KIF21A: variants seen among roughly 807,000 people sequenced by gnomAD.
The protein encoded by KIF21A is kinesin-like protein KIF21A.
In KIF21A, 114 loss-of-function variants were observed where a neutral mutation model predicts 202.9. That is an observed-to-expected ratio of 0.56 (90% confidence interval 0.48 to 0.66). The LOEUF (loss-of-function observed/expected upper bound fraction) is 0.66, where lower values mean the gene tolerates loss of function less well. Among genes scored for constraint, KIF21A ranks in the 30% least tolerant of loss-of-function variants. KIF21A has a pLI of 0.00. For synonymous variants in KIF21A, 667 were observed against 670.8 expected (o/e 0.99, Z 0.09); for missense variants, 1,677 against 1,994.9 (o/e 0.84, Z 3.04).
intron 26 of KIF21A, among the ~76,000 whole-genome samples, chr12:39,324,159 C>T (rs1287660519): frequency 6.6e-6 from 1 of 151,914 alleles, no homozygotes; most frequent in African/African-American, 2.4e-5. Context: ...CTTAGCAGTT[C>T]AAACGGAGTA....
At position 39,357,303 on chromosome 12, in the gene KIF21A, C is replaced by T. The variant is rs375768830; in HGVS notation, c.1350G>A (p.Arg450=). The T allele has an allele frequency of 1.2e-6, 2 of 1,614,122 alleles. No homozygotes were observed. Among genetic ancestry groups the T allele is most frequent in the African/African-American group, 2.7e-5 (2 of 75,036 alleles). The change falls in exon 9 of 38, where the codon AGG becomes AGA. Residue 450 remains arginine, a synonymous_variant. Coordinates refer to ENST00000361418, the MANE Select transcript of KIF21A (RefSeq NM_001173464.2). ...KAMQETVDAL[R]SRITQLVSDQ... ...CACTAACAAGCTGTGTAATTCTGGA[C>T]CTCAATGCATCAACCGTCTCTTGCA... is the stretch of plus-strand genomic sequence containing the variant.
At chr12:39,423,251 C>T (rs146712703) in intron 1 of KIF21A, among the ~76,000 whole-genome samples, 270 of 152,198 alleles carry the variant, frequency 1.8e-3, no homozygotes, top group African/African-American at 5.8e-3. Flanking sequence ...AGTCAGTGCC[C>T]GGAGATGAGT....
chr12:39,330,383 G>A, intron 23 of KIF21A, 121 bp from the exon 24 acceptor site: 1 of 858,314 alleles, frequency 1.2e-6, no homozygotes, highest in Admixed American at 1.9e-5. Flanking sequence ...AGATGCCATA[G>A]CAAACACTTA....
Position 39,341,574 on chromosome 12 carries a change from C to T in KIF21A, c.1852G>A (p.Glu618Lys). 1 of 1,610,392 alleles carries T rather than the reference C, an allele frequency of 6.2e-7. No individual in the cohort carries two copies. The highest frequency in any genetic ancestry group is 1.1e-5 in the South Asian group (1 of 90,998). ...SDHEDEEEEEEEEEDDIDGGE... is the reference protein window; with the variant it reads ...SDHEDEEEEEKEEEDDIDGGE... ...CCATCAATGTCATCTTCCTCCTCCTCCTCCTCCTCTTCTTCATCCTCATGA... is the reference window on the plus strand; with the variant it reads ...CCATCAATGTCATCTTCCTCCTCCTTCTCCTCCTCTTCTTCATCCTCATGA... The change falls in exon 14 of 38, where the codon GAG (glutamate) becomes AAG (lysine). Residue 618 changes from glutamate (E) to lysine (K), a missense_variant. Glu to Lys is a moderately conservative substitution (Grantham distance 56). This residue lies in a region of KIF21A where 966 missense variants were observed against 1,180.9 expected (regional missense o/e 0.82). Transcript: ENST00000361418.
intron 10 of KIF21A, among the ~76,000 whole-genome samples, chr12:39,356,167 C>T (rs866609522): frequency 6.6e-5 from 10 of 152,172 alleles, no homozygotes; most frequent in Non-Finnish European, 2.9e-5. Context: ...AACCCTATTC[C>T]CCAAGTCTAG....
chr12:39,332,602 T>A lies in KIF21A; in HGVS notation c.2845A>T (p.Arg949Ter). 1 of 1,613,634 alleles carries A rather than the reference T, an allele frequency of 6.2e-7. No individual in the cohort carries two copies. Among genetic ancestry groups the A allele is most frequent in the Non-Finnish European group, 8.5e-7 (1 of 1,179,838 alleles). Reference protein sequence around the residue: ...TISNMEADMNRLLKQREELTK... With the variant: ...TISNMEADMN The stretch of plus-strand genomic sequence containing the variant: ...TCTATTTTCCACACCTTGAGGAGTC[T>A]ATTCATATCTGCCTCCATGTTGGAA... The change falls in exon 20 of 38, where the codon AGA becomes TGA. Residue 949 changes from arginine (R) to a stop codon, truncating the protein, a stop_gained. Coordinates refer to ENST00000361418, the MANE Select transcript of KIF21A (RefSeq NM_001173464.2). LOFTEE classifies it high-confidence loss of function.
At chr12:39,337,322 T>C (rs1263048819) in intron 16 of KIF21A, 119 bp from the exon 17 acceptor site, 1 of 713,748 alleles carries the variant, frequency 1.4e-6, no homozygotes, top group Non-Finnish European at 2.5e-6. Flanking sequence ...AACATGCAGT[T>C]TTGCTGCACG....
At chr12:39,380,767 AT>A (rs942009098) in intron 1 of KIF21A, among the ~76,000 whole-genome samples, 4 of 152,180 alleles carry the variant, frequency 2.6e-5, no homozygotes, top group African/African-American at 9.7e-5. Flanking sequence ...GCAGGAGAAA[AT>A]TCAAGAAAGG....
chr12:39,313,240 C>T (rs1269244235), intron 31 of KIF21A, among the ~76,000 whole-genome samples: 1 of 151,846 alleles, frequency 6.6e-6, no homozygotes, highest in Non-Finnish European at 1.5e-5. Context: ...AACATGTAGA[C>T]CTGATCTTCC....
At chr12:39,339,781 TA>T (rs60964606) in intron 16 of KIF21A, among the ~76,000 whole-genome samples, 10,374 of 152,268 alleles carry the variant, frequency 0.068, 547 homozygotes, top group South Asian at 0.29. Flanking sequence ...CAGGAAGAGA[TA>T]AACAGAAGGC....
intron 1 of KIF21A, among the ~76,000 whole-genome samples, chr12:39,430,846 T>G (rs1358018759): frequency 1.3e-5 from 2 of 152,066 alleles, no homozygotes; most frequent in East Asian, 3.9e-4. Flanking sequence ...ATGATGAAAC[T>G]AGTGGCTTTG....
At chr12:39,327,687 C>A (rs1365760280) in intron 24 of KIF21A, among the ~76,000 whole-genome samples, 1 of 152,130 alleles carries the variant, frequency 6.6e-6, no homozygotes, top group Non-Finnish European at 1.5e-5. Context: ...CTGGCCAGAG[C>A]CCAGAGGATC....
chr12:39,426,278 T>C (rs1954739421), intron 1 of KIF21A, among the ~76,000 whole-genome samples: 1 of 152,262 alleles, frequency 6.6e-6, no homozygotes, highest in South Asian at 2.1e-4. Context: ...ATTAACTAAC[T>C]GTGTGAGAAA....
intron 1 of KIF21A, among the ~76,000 whole-genome samples, chr12:39,378,038 A>G (rs187963090): frequency 5.4e-4 from 82 of 152,338 alleles, no homozygotes; most frequent in Non-Finnish European, 9.0e-4. Context: ...TACAGCATAC[A>G]TAGCTAATGC....
intron 1 of KIF21A, among the ~76,000 whole-genome samples, chr12:39,409,111 C>T (rs1952859682): frequency 6.6e-6 from 1 of 151,836 alleles, no homozygotes; most frequent in South Asian, 2.1e-4. Flanking sequence ...GTTGGGATTA[C>T]AGGCATGAAT....
intron 10 of KIF21A, among the ~76,000 whole-genome samples, chr12:39,352,269 G>T (rs754429596): frequency 1.5e-4 from 23 of 151,896 alleles, no homozygotes; most frequent in Non-Finnish European, 3.4e-4. Context: ...TAGCAATAAG[G>T]CAGGAACATT....
At chr12:39,357,902 C>A (rs960414071) in intron 8 of KIF21A, among the ~76,000 whole-genome samples, 1 of 55,146 alleles carries the variant, frequency 1.8e-5, no homozygotes, top group Non-Finnish European at 3.4e-5. Flanking sequence ...GAGGGAGACT[C>A]CATCTCAAAA....
chr12:39,439,385 T>G (rs77080009), intron 1 of KIF21A, among the ~76,000 whole-genome samples: 6,893 of 152,276 alleles, frequency 0.045, 217 homozygotes, highest in African/African-American at 0.091. Flanking sequence ...ACAGTCAATA[T>G]AAGAATTGAA....
At chr12:39,403,100 C>CA (rs1278711084) in intron 1 of KIF21A, among the ~76,000 whole-genome samples, 2 of 151,878 alleles carry the variant, frequency 1.3e-5, no homozygotes, top group East Asian at 3.9e-4. Flanking sequence ...CACTTTGAGA[C>CA]AAAAATACAC....
Sources: allele counts gnomAD v4.1 joint callset (sites outside exome capture counted in the v4.1 genomes callset), GRCh38; gene constraint gnomAD v4.1.1; regional missense constraint gnomAD v4.1.1; transcripts MANE v1.5; gene names NCBI Gene and HGNC (gene_info 2026-07-23, HGNC 2026-07-21).